MTR: variants seen among roughly 807,000 people sequenced by gnomAD.
MTR encodes the protein 5-methyltetrahydrofolate-homocysteine methyltransferase.
Under a neutral mutation model 154.8 loss-of-function variants are expected in MTR, and 84 were observed. The ratio of observed to expected loss-of-function variants is 0.54; its 90% confidence interval spans 0.45 to 0.65. The LOEUF (loss-of-function observed/expected upper bound fraction) is 0.65, where lower values mean the gene tolerates loss of function less well. Among genes scored for constraint, MTR ranks in the 30% least tolerant of loss-of-function variants. MTR has a pLI of 0.00. For synonymous variants in MTR, 554 were observed against 553.9 expected (o/e 1.00, Z 0.00); for missense variants, 1,275 against 1,570.2 (o/e 0.81, Z 3.18).
chr1:236,892,389 G>T (rs1666377965), intron 29 of MTR, among the ~76,000 whole-genome samples: 1 of 152,102 alleles, frequency 6.6e-6, no homozygotes, highest in Non-Finnish European at 1.5e-5. Flanking sequence ...GGATGAGGCG[G>T]GAGGATCACT....
chr1:236,866,504 G>A (rs1379831573), intron 22 of MTR, among the ~76,000 whole-genome samples: 1 of 151,990 alleles, frequency 6.6e-6, no homozygotes, highest in Non-Finnish European at 1.5e-5. Flanking sequence ...CTCTGTAATG[G>A]CCTTGTAATC....
chr1:236,894,502 A>G lies in MTR; in HGVS notation c.3350A>G (p.Asp1117Gly). The G allele has an allele frequency of 6.2e-7, 1 of 1,614,114 alleles. No homozygotes were observed. The highest frequency in any genetic ancestry group is 8.5e-7 in the Non-Finnish European group (1 of 1,180,026). Reference protein sequence around the residue: ...VEELSKAYEDDGDDYSSIMVK... With the variant: ...VEELSKAYEDGGDDYSSIMVK... ...GAGCTGAGCAAGGCCTATGAGGATG[A>G]TGGTGACGACTACAGCAGCATCATG... Residue 1117 changes from aspartate (D) to glycine (G), a missense_variant, in exon 30 of 33, where the codon GAT (aspartate) becomes GGT (glycine). Physicochemically the swap from Asp to Gly is moderately conservative, Grantham distance 94. Transcript: ENST00000366577.
At position 236,896,936 on chromosome 1, in the gene MTR, T is replaced by C. The variant is rs1161124640; in HGVS notation, c.3599-70T>C. 9 of 1,089,002 alleles carry C rather than the reference T, an allele frequency of 8.3e-6. No individual in the cohort carries two copies. In the African/African-American group the frequency reaches 1.2e-4, roughly 15 times the overall value. 67.5% of individuals were successfully genotyped at this position (1,089,002 alleles called of 1,614,324 possible). On this transcript the variant is annotated intron_variant, in intron 31 of 32. Coordinates refer to ENST00000366577, the MANE Select transcript of MTR (RefSeq NM_000254.3). Reference sequence around the variant, plus strand: ...ACTTGTTCAACAAGAGTTCATTGAGTGCCTGCTAGCTGCAGGCCCTGTGCT... The same window carrying C: ...ACTTGTTCAACAAGAGTTCATTGAGCGCCTGCTAGCTGCAGGCCCTGTGCT...
intron 15 of MTR, 28 bp downstream of exon 15, chr1:236,838,627 T>G (rs751811445): frequency 6.8e-6 from 11 of 1,613,194 alleles, no homozygotes; most frequent in Non-Finnish European, 9.3e-6. Flanking sequence ...GCCTAATCCA[T>G]TGTGTTTCCC....
chr1:236,862,177 C>A, intron 20 of MTR, 59 bp from the exon 21 acceptor site: 1 of 1,384,906 alleles, frequency 7.2e-7, no homozygotes, highest in South Asian at 1.2e-5. Context: ...TCACAAGTGG[C>A]CATCAGCAGT....
At chr1:236,851,375 C>T (rs185566129) in intron 16 of MTR, among the ~76,000 whole-genome samples, 30 of 152,270 alleles carry the variant, frequency 2.0e-4, no homozygotes, top group Non-Finnish European at 2.6e-4. Context: ...CTAGTGCTGT[C>T]TAGTGTTCTA....
At chr1:236,859,080 C>T (rs866203023) in intron 18 of MTR, among the ~76,000 whole-genome samples, 10 of 152,328 alleles carry the variant, frequency 6.6e-5, no homozygotes, top group East Asian at 1.9e-4. Context: ...TTGGCTCTAA[C>T]GGAATACCAA....
Position 236,874,009 on chromosome 1 carries a change from G to C in MTR, c.2473+169G>C, listed in dbSNP as rs147304176. Among the ~76,000 whole-genome samples the C allele has an allele frequency of 2.8e-3, 424 of 152,252 alleles. 1 individual carries two copies. The highest frequency in any genetic ancestry group is 9.9e-3 in the African/African-American group (411 of 41,542). ...TTGCTTTCATTGCCATTTCTAATGGGGTTGAGAGACGAGAATGAGTAACTA... is the reference window on the plus strand; with the variant it reads ...TTGCTTTCATTGCCATTTCTAATGGCGTTGAGAGACGAGAATGAGTAACTA... On this transcript the variant is annotated intron_variant, in intron 23 of 32. Transcript: ENST00000366577.
Position 236,897,566 on chromosome 1 carries a change from T to C in MTR, c.3720T>C (p.Asp1240=). ...CTTCTCATCTTTTGCAGGTTGAGGATTATGCATTGAGGAAGAACATATCTG... is the reference window on the plus strand; with the variant it reads ...CTTCTCATCTTTTGCAGGTTGAGGACTATGCATTGAGGAAGAACATATCTG... The part of the protein sequence containing the change: ...VGKISKDQVE[D]YALRKNISVA... Residue 1240 remains aspartate (D), a synonymous_variant, in exon 33 of 33, where the codon GAT becomes GAC. Coordinates refer to ENST00000366577, the MANE Select transcript of MTR (RefSeq NM_000254.3). 6.2e-7 allele frequency: 1 copy of C among 1,614,008 alleles called. No homozygotes were observed. The highest frequency in any genetic ancestry group is 8.5e-7 in the Non-Finnish European group (1 of 1,179,874).
chr1:236,808,858 C>A, intron 4 of MTR, 85 bp downstream of exon 4: 1 of 1,253,792 alleles, frequency 8.0e-7, no homozygotes, highest in Non-Finnish European at 1.2e-6. Context: ...GCAGTTTTTC[C>A]TTATGTGGCC....
chr1:236,897,607 A>G lies in MTR; in HGVS notation c.3761A>G (p.Lys1254Arg). ...RKNISVAEVE[K>R]WLGPILGYDT... ...AACATATCTGTGGCTGAGGTTGAGAAATGGCTTGGACCCATTTTGGGATAT... is the reference window on the plus strand; with the variant it reads ...AACATATCTGTGGCTGAGGTTGAGAGATGGCTTGGACCCATTTTGGGATAT... Residue 1254 changes from lysine (K) to arginine (R), a missense_variant, in exon 33 of 33, where the codon AAA becomes AGA. Coordinates refer to ENST00000366577, the MANE Select transcript of MTR (RefSeq NM_000254.3). The G allele has an allele frequency of 6.2e-7, 1 of 1,614,036 alleles. No homozygotes were observed. Among genetic ancestry groups the G allele is most frequent in the Non-Finnish European group, 8.5e-7 (1 of 1,180,008 alleles).
chr1:236,798,839 T>A (rs900610342), intron 1 of MTR, among the ~76,000 whole-genome samples: 2 of 152,160 alleles, frequency 1.3e-5, no homozygotes, highest in Admixed American at 1.3e-4. Context: ...AAGAGTGACA[T>A]TTCAGTAGAT....
At position 236,838,593 on chromosome 1, in the gene MTR, A is replaced by G. The variant is rs1663041947; in HGVS notation, c.1509A>G (p.Glu503=). ...AAMVVMAFDE[E]GQATETDTKI... ...TGGTGGTCATGGCTTTTGATGAAGA[A>G]GGACAGGTGAGTGGTTTCTTTTGGC... Residue 503 remains glutamate, a synonymous_variant, in exon 15 of 33, where the codon GAA becomes GAG. Coordinates refer to ENST00000366577, the MANE Select transcript of MTR (RefSeq NM_000254.3). 1 of 1,613,982 alleles carries G rather than the reference A, an allele frequency of 6.2e-7. No individual in the cohort carries two copies. Among genetic ancestry groups the G allele is most frequent in the Non-Finnish European group, 8.5e-7 (1 of 1,179,984 alleles).
intron 29 of MTR, 65 bp downstream of exon 29, chr1:236,891,394 G>A: frequency 6.7e-7 from 1 of 1,491,812 alleles, no homozygotes; most frequent in Non-Finnish European, 9.3e-7. Flanking sequence ...CTACACAAAA[G>A]AGCTTTGCAT....
chr1:236,896,602 C>G (rs1239287322), intron 31 of MTR, among the ~76,000 whole-genome samples: 1 of 152,222 alleles, frequency 6.6e-6, no homozygotes, highest in African/African-American at 2.4e-5. Flanking sequence ...CTGGAGCTCT[C>G]AGTCGTCCCT....
At chr1:236,868,504 C>T (rs1251100673) in intron 22 of MTR, among the ~76,000 whole-genome samples, 1 of 152,060 alleles carries the variant, frequency 6.6e-6, no homozygotes, top group East Asian at 1.9e-4. Flanking sequence ...AAATTCCCCT[C>T]AAGAAATAAT....
chr1:236,820,375 T>A (rs1572210009), intron 8 of MTR: 1 of 788,326 alleles, frequency 1.3e-6, no homozygotes, highest in East Asian at 2.4e-5. Context: ...GGTTGCAGAT[T>A]GGTCTGAGGC....
chr1:236,828,684 C>T (rs1662439138), intron 11 of MTR, among the ~76,000 whole-genome samples: 1 of 152,094 alleles, frequency 6.6e-6, no homozygotes, highest in Non-Finnish European at 1.5e-5. Flanking sequence ...ACCCTCCCTA[C>T]TGTGTGTGTG....
intron 14 of MTR, among the ~76,000 whole-genome samples, chr1:236,837,676 G>A (rs1403238005): frequency 6.6e-6 from 1 of 152,104 alleles, no homozygotes; most frequent in Non-Finnish European, 1.5e-5. Flanking sequence ...AGTGTGGAGG[G>A]TCCCTGGAGC....
Sources: allele counts gnomAD v4.1 joint callset (sites outside exome capture counted in the v4.1 genomes callset), GRCh38; gene constraint gnomAD v4.1.1; transcripts MANE v1.5; gene names NCBI Gene and HGNC (gene_info 2026-07-23, HGNC 2026-07-21).